The following ADGRB3 variants were observed in gnomAD, a reference collection of about 807,000 sequenced individuals.
ADGRB3 encodes adhesion G protein-coupled receptor B3.
In ADGRB3, 37 loss-of-function variants were observed where a neutral mutation model predicts 193.4. That is an observed-to-expected ratio of 0.19 (90% CI 0.15 to 0.25). The LOEUF (loss-of-function observed/expected upper bound fraction) is 0.25. Among genes scored for constraint, ADGRB3 ranks in the 10% least tolerant of loss-of-function variants. The probability of loss-of-function intolerance (pLI) is 1.00; values close to 1 mark genes in which losing one functional copy is unlikely to be tolerated. For synonymous variants in ADGRB3, 690 were observed against 644.2 expected (o/e 1.07, Z -1.08); for missense variants, 1,637 against 1,852.9 (o/e 0.88, Z 2.14).
At chr6:69,243,018 A>G (rs1057331220) in intron 20 of ADGRB3, among the ~76,000 whole-genome samples, 3 of 151,950 alleles carry the variant, frequency 2.0e-5, no homozygotes, top group African/African-American at 4.8e-5. Flanking sequence ...TGACAAAAGC[A>G]TGTATTGCTT....
At chr6:68,894,970 T>C (rs1408019891) in intron 3 of ADGRB3, among the ~76,000 whole-genome samples, 2 of 151,760 alleles carry the variant, frequency 1.3e-5, no homozygotes, top group Non-Finnish European at 3.0e-5. Flanking sequence ...AAAAGCATCA[T>C]AGTTGAAAAA....
At chr6:68,764,887 A>G (rs1457185834) in intron 3 of ADGRB3, among the ~76,000 whole-genome samples, 1 of 152,208 alleles carries the variant, frequency 6.6e-6, no homozygotes, top group Non-Finnish European at 1.5e-5. Context: ...GTGTAACTTC[A>G]TTAACAAAGT....
At chr6:68,741,148 G>A (rs1019839724) in intron 3 of ADGRB3, among the ~76,000 whole-genome samples, 1 of 152,120 alleles carries the variant, frequency 6.6e-6, no homozygotes, top group Non-Finnish European at 1.5e-5. Flanking sequence ...TGTATCTAGT[G>A]TCTGCATAGG....
At chr6:69,297,113 TAA>T (rs1031507307) in intron 20 of ADGRB3, among the ~76,000 whole-genome samples, 1 of 152,062 alleles carries the variant, frequency 6.6e-6, no homozygotes, top group Non-Finnish European at 1.5e-5. Context: ...GGAAACTGCA[TAA>T]GAGTTTGGTC....
rs189154495 is a variant in ADGRB3 at position 69,318,658 on chromosome 6, C to T, written c.2815-6214C>T. 1.0e-3 allele frequency among the ~76,000 whole-genome samples: 152 copies of T among 151,104 alleles called. 1 individual carries two copies. In the Middle Eastern group the frequency reaches 0.01, roughly 10 times the overall value. On this transcript the variant is annotated intron_variant, in intron 20 of 31. Coordinates refer to ENST00000370598, the MANE Select transcript of ADGRB3 (RefSeq NM_001704.3). ...TGTTGCTTACATTTGTTAGAATTTG[C>T]CTGTTGGTGTATGGAAAATGATACT...
At chr6:69,267,432 C>T (rs76760589) in intron 20 of ADGRB3, among the ~76,000 whole-genome samples, 4,411 of 152,188 alleles carry the variant, frequency 0.029, 188 homozygotes, top group African/African-American at 0.099. Flanking sequence ...TTGTGTGTTC[C>T]ATAGTCTTCT....
chr6:69,058,895 C>T (rs1037962193), intron 15 of ADGRB3, among the ~76,000 whole-genome samples: 3 of 151,878 alleles, frequency 2.0e-5, no homozygotes, highest in African/African-American at 7.3e-5. Context: ...TTTCTGTCTG[C>T]CCTTGAGAAG....
intron 3 of ADGRB3, among the ~76,000 whole-genome samples, chr6:68,707,548 A>G (rs943239586): frequency 3.9e-5 from 6 of 152,182 alleles, no homozygotes. Context: ...AACATAATTG[A>G]CATAATCCAA....
intron 3 of ADGRB3, among the ~76,000 whole-genome samples, chr6:68,842,797 A>C (rs897035515): frequency 1.3e-5 from 2 of 152,030 alleles, no homozygotes; most frequent in African/African-American, 4.8e-5. Flanking sequence ...AATACACTCA[A>C]CAATACATTA....
chr6:68,842,352 A>C (rs1024281328), intron 3 of ADGRB3, among the ~76,000 whole-genome samples: 2 of 151,942 alleles, frequency 1.3e-5, no homozygotes, highest in African/African-American at 4.8e-5. Flanking sequence ...TGATACTATA[A>C]AATTCAAAAC....
At chr6:68,988,430 GA>G (rs1215612545) in intron 10 of ADGRB3, among the ~76,000 whole-genome samples, 1 of 152,140 alleles carries the variant, frequency 6.6e-6, no homozygotes, top group Non-Finnish European at 1.5e-5. Context: ...ATTGCAGGGA[GA>G]AGTGGTGAGA....
At chr6:69,260,547 G>T (rs1435458438) in intron 20 of ADGRB3, among the ~76,000 whole-genome samples, 1 of 152,250 alleles carries the variant, frequency 6.6e-6, no homozygotes, top group East Asian at 1.9e-4. Context: ...GTCAAAAGAT[G>T]ACTTGGGCAC....
At chr6:69,107,133 A>G (rs1307034249) in intron 17 of ADGRB3, among the ~76,000 whole-genome samples, 1 of 152,234 alleles carries the variant, frequency 6.6e-6, no homozygotes, top group Non-Finnish European at 1.5e-5. Context: ...GCAAAACAAT[A>G]GCCACTATGA....
chr6:69,358,714 T>C (rs1009113797), intron 28 of ADGRB3, among the ~76,000 whole-genome samples: 1 of 152,012 alleles, frequency 6.6e-6, no homozygotes, highest in East Asian at 1.9e-4. Flanking sequence ...ATATTTTGTT[T>C]GAAGTTTGTG....
At chr6:69,153,966 C>T (rs1214567862) in intron 17 of ADGRB3, among the ~76,000 whole-genome samples, 1 of 151,852 alleles carries the variant, frequency 6.6e-6, no homozygotes, top group East Asian at 1.9e-4. Flanking sequence ...GCACTCCAGC[C>T]AGGGCGACAG....
intron 20 of ADGRB3, among the ~76,000 whole-genome samples, chr6:69,290,910 T>C (rs750896274): frequency 2.0e-5 from 3 of 152,220 alleles, no homozygotes; most frequent in Non-Finnish European, 4.4e-5. Context: ...TATTTTTTCC[T>C]TATAATTCTA....
chr6:69,317,339 A>T (rs1036987745), intron 20 of ADGRB3, among the ~76,000 whole-genome samples: 2 of 151,354 alleles, frequency 1.3e-5, no homozygotes, highest in Admixed American at 1.3e-4. Context: ...GGAGGGTCTT[A>T]TGGTTTAATA....
intron 3 of ADGRB3, among the ~76,000 whole-genome samples, chr6:68,919,701 G>A (rs978597332): frequency 6.6e-6 from 1 of 152,184 alleles, no homozygotes; most frequent in African/African-American, 2.4e-5. Flanking sequence ...GTTGTGGGAT[G>A]GGGAGGGCGG....
At position 68,932,281 on chromosome 6, in the gene ADGRB3, A is replaced by G. The variant is rs183828634; in HGVS notation, c.868+1612A>G. Among the ~76,000 whole-genome samples the G allele has an allele frequency of 4.5e-4, 68 of 152,314 alleles. 1 individual carries two copies. Among genetic ancestry groups the G allele is most frequent in the African/African-American group, 1.5e-3 (62 of 41,590 alleles). On this transcript the variant is annotated intron_variant, in intron 4 of 31. Transcript: ENST00000370598. ...GGAAAATGATAGTTTTAAATTTCCA[A>G]TAGCGTAACATGATTAGTTTATGTG... is the stretch of plus-strand genomic sequence containing the variant.
Sources: allele counts gnomAD v4.1 joint callset (sites outside exome capture counted in the v4.1 genomes callset), GRCh38; gene constraint gnomAD v4.1.1; transcripts MANE v1.5; gene names NCBI Gene and HGNC (gene_info 2026-07-23, HGNC 2026-07-21).